RAD51B: variants seen among roughly 807,000 people sequenced by gnomAD.
RAD51B encodes the protein RAD51 paralog B, also known as DNA repair protein RAD51 homolog 2.
A neutral mutation model predicts 42.2 loss-of-function variants in RAD51B; 38 were observed. That is an observed-to-expected ratio of 0.90 (90% CI 0.70 to 1.18). The LOEUF is 1.18. RAD51B is among the 50% of genes most tolerant of loss of function. RAD51B has a pLI of 0.00. For synonymous variants in RAD51B, 154 were observed against 145.2 expected, an observed-to-expected ratio of 1.06 and a Z score of -0.43; for missense variants, 373 against 400.7, an observed-to-expected ratio of 0.93 and a Z score of 0.59.
intron 7 of RAD51B, among the ~76,000 whole-genome samples, chr14:68,106,805 T>G (rs1182391183): frequency 2.0e-5 from 3 of 151,938 alleles, no homozygotes; most frequent in African/African-American, 7.2e-5. Context: ...ACTCATTTAA[T>G]GGGTATTCAT....
intron 8 of RAD51B, among the ~76,000 whole-genome samples, chr14:68,329,689 A>C (rs2082310448): frequency 1.3e-5 from 2 of 152,214 alleles, no homozygotes; most frequent in South Asian, 4.1e-4. Flanking sequence ...TAATGTTAAA[A>C]ATATTTTTTG....
At chr14:68,549,187 G>T (rs982919698) in intron 10 of RAD51B, among the ~76,000 whole-genome samples, 8 of 151,904 alleles carry the variant, frequency 5.3e-5, no homozygotes, top group Non-Finnish European at 7.4e-5. Context: ...TCCAAGGCTG[G>T]TGACTGAGTC....
intron 7 of RAD51B, among the ~76,000 whole-genome samples, chr14:67,936,443 C>G (rs769254798): frequency 2.0e-5 from 3 of 152,098 alleles, no homozygotes; most frequent in Admixed American, 6.6e-5. Flanking sequence ...CTTTTCATTG[C>G]CAAATAATAT....
intron 8 of RAD51B, among the ~76,000 whole-genome samples, chr14:68,353,177 G>A (rs1566827524): frequency 6.6e-6 from 1 of 152,078 alleles, no homozygotes; most frequent in African/African-American, 2.4e-5. Context: ...CAATTCCTGA[G>A]GACAGTCCTG....
At chr14:68,655,589 G>C (rs1892798308) in intron 11 of RAD51B, among the ~76,000 whole-genome samples, 1 of 152,216 alleles carries the variant, frequency 6.6e-6, no homozygotes, top group Admixed American at 6.5e-5. Flanking sequence ...AGGTCTTCTT[G>C]TGCAGCCGTG....
chr14:68,307,414 A>G (rs1180549994), intron 8 of RAD51B, among the ~76,000 whole-genome samples: 2 of 152,224 alleles, frequency 1.3e-5, no homozygotes, highest in African/African-American at 2.4e-5. Context: ...TCACAGCCTT[A>G]CTTAGGTAAT....
At chr14:68,120,939 C>A (rs1181103507) in intron 7 of RAD51B, among the ~76,000 whole-genome samples, 1 of 152,132 alleles carries the variant, frequency 6.6e-6, no homozygotes, top group Non-Finnish European at 1.5e-5. Flanking sequence ...CTTAAAAAGA[C>A]ATATTTTATA....
chr14:68,410,060 C>T (rs1199436364), intron 8 of RAD51B, among the ~76,000 whole-genome samples: 1 of 152,132 alleles, frequency 6.6e-6, no homozygotes, highest in East Asian at 1.9e-4. Flanking sequence ...TTCTCAACTT[C>T]AGCACTGCTG....
At chr14:68,019,885 G>A (rs2075836407) in intron 7 of RAD51B, among the ~76,000 whole-genome samples, 1 of 152,180 alleles carries the variant, frequency 6.6e-6, no homozygotes, top group Non-Finnish European at 1.5e-5. Flanking sequence ...AAAAGAATGT[G>A]CCCCTTCCCT....
intron 7 of RAD51B, among the ~76,000 whole-genome samples, chr14:68,283,484 C>T (rs1345824123): frequency 1.3e-5 from 2 of 152,212 alleles, no homozygotes; most frequent in Non-Finnish European, 1.5e-5. Context: ...TGGCCTCATA[C>T]TAACTGCAAA....
intron 10 of RAD51B, among the ~76,000 whole-genome samples, chr14:68,630,397 G>T (rs944336659): frequency 2.6e-5 from 4 of 151,902 alleles, no homozygotes; most frequent in Non-Finnish European, 4.4e-5. Context: ...CAGCAGGTCA[G>T]CCTGGAGCCA....
intron 7 of RAD51B, among the ~76,000 whole-genome samples, chr14:67,893,831 T>A (rs892007737): frequency 1.2e-4 from 18 of 152,156 alleles, no homozygotes; most frequent in African/African-American, 4.3e-4. Flanking sequence ...TATTTAGTCA[T>A]CTGGTCCCAT....
At chr14:68,207,026 A>G (rs1687664434) in intron 7 of RAD51B, among the ~76,000 whole-genome samples, 6 of 151,928 alleles carry the variant, frequency 3.9e-5, no homozygotes, top group South Asian at 2.1e-4. Flanking sequence ...TCCTGACCTC[A>G]TGATCCGCCC....
At chr14:68,290,152 T>C (rs1249394556) in intron 7 of RAD51B, among the ~76,000 whole-genome samples, 1 of 152,186 alleles carries the variant, frequency 6.6e-6, no homozygotes, top group Non-Finnish European at 1.5e-5. Context: ...TGGAGGCAAC[T>C]TCCATTTCTG....
intron 7 of RAD51B, among the ~76,000 whole-genome samples, chr14:68,180,222 A>C (rs1431457105): frequency 6.6e-6 from 1 of 152,186 alleles, no homozygotes; most frequent in Non-Finnish European, 1.5e-5. Context: ...TAGAATGTCT[A>C]GTTTGATGGA....
In RAD51B at chr14:68,176,563, C is replaced by T. The variant is rs556346429; in HGVS notation, c.757-115321C>T. 8.5e-5 allele frequency among the ~76,000 whole-genome samples: 13 copies of T among 152,268 alleles called. No individual in the cohort carries two copies. The South Asian group carries it at 2.3e-3, about 27-fold the overall frequency. ...TATGAGGAAATGAGGATCATGATGT[C>T]TGTCACTCAGGGATAGAATGAGCAT... On this transcript the variant is annotated intron_variant, in intron 7 of 10. Transcript: ENST00000471583.
In RAD51B at chr14:68,115,540, TA is replaced by T. The variant is rs1325471155; in HGVS notation, c.757-176343del. On this transcript the variant is annotated intron_variant, in intron 7 of 10. Transcript: ENST00000471583. The stretch of plus-strand genomic sequence containing the variant: ...TGCACATGTACCCTAAAACTTAAAG[TA>T]TAAAAAAAAAAAAAAAAAAAGACAC... Among the ~76,000 whole-genome samples, 342 of 96,992 alleles carry T rather than the reference TA, an allele frequency of 3.5e-3. 3 individuals carry two copies. The highest frequency in any genetic ancestry group is 0.015 in the African/African-American group (328 of 21,842). 63.6% of individuals were successfully genotyped at this position (96,992 alleles called of 152,430 possible).
At chr14:68,155,899 A>T (rs1172485626) in intron 7 of RAD51B, among the ~76,000 whole-genome samples, 2 of 152,254 alleles carry the variant, frequency 1.3e-5, no homozygotes, top group African/African-American at 4.8e-5. Context: ...GTGTAAGATT[A>T]GTAACACATA....
chr14:67,930,252 G>A (rs894694162), intron 7 of RAD51B, among the ~76,000 whole-genome samples: 1 of 151,502 alleles, frequency 6.6e-6, no homozygotes, highest in African/African-American at 2.4e-5. Flanking sequence ...TTCTATGGTG[G>A]TATCACTTGA....
Sources: allele counts gnomAD v4.1 joint callset (sites outside exome capture counted in the v4.1 genomes callset), GRCh38; gene constraint gnomAD v4.1.1; transcripts MANE v1.5; gene names NCBI Gene and HGNC (gene_info 2026-07-23, HGNC 2026-07-21).